RIMKLB: variants seen among roughly 807,000 people sequenced by gnomAD.
The protein encoded by RIMKLB is ribosomal modification protein rimK like family member B.
RIMKLB carries 7 observed loss-of-function variants against 32.0 expected under a neutral mutation model. The ratio of observed to expected loss-of-function variants is 0.22; its 90% CI spans 0.12 to 0.41. RIMKLB has a LOEUF of 0.41. Among genes scored for constraint, RIMKLB ranks in the 10% least tolerant of loss-of-function variants. The pLI is 1.00. For synonymous variants in RIMKLB, 172 were observed against 185.1 expected, an observed-to-expected ratio of 0.93 and a Z score of 0.57; for missense variants, 289 against 498.7, an observed-to-expected ratio of 0.58 and a Z score of 4.00.
the RIMKLB span, among the ~76,000 whole-genome samples, chr12:8,673,642 C>T: frequency 6.6e-6 from 1 of 151,528 alleles, no homozygotes; most frequent in Non-Finnish European, 1.5e-5. Context: ...GTCACTCAGG[C>T]TGGAGTGCAG....
downstream of RIMKLB, among the ~76,000 whole-genome samples, chr12:8,781,706 A>C (rs1238022813): frequency 6.6e-6 from 1 of 152,090 alleles, no homozygotes; most frequent in Non-Finnish European, 1.5e-5. Context: ...TGTTTTTCCT[A>C]AGAGAGTGTG....
At chr12:8,742,050 G>T (rs1257220452) in intron 2 of RIMKLB, among the ~76,000 whole-genome samples, 1 of 151,044 alleles carries the variant, frequency 6.6e-6, no homozygotes, top group African/African-American at 2.5e-5. Context: ...ACAGGCATGC[G>T]CCACCATGCC....
Position 8,775,457 on chromosome 12 carries a change from A to C in RIMKLB, c.*1673A>C. 2.0e-6 allele frequency: 2 copies of C among 985,738 alleles called. No individual in the cohort carries two copies. The highest frequency in any genetic ancestry group is 9.4e-5 in the South Asian group (2 of 21,282). The allele number at this position is 985,738 out of a possible 1,614,324, so 61.1% of individuals were successfully genotyped here. A position where few individuals can be genotyped will look rare whatever the true frequency, so the allele number is the denominator to read the frequency against. On this transcript the variant is annotated 3_prime_UTR_variant, in exon 6 of 6. Transcript: ENST00000535829. Reference sequence around the variant, plus strand: ...GCTGCAGAGCCCAACGTAATTTTTTAAACAGCAAGTTTTCCATCTCCCTAC... The same window carrying C: ...GCTGCAGAGCCCAACGTAATTTTTTCAACAGCAAGTTTTCCATCTCCCTAC...
At chr12:8,729,066 T>C (rs1946305231) in intron 2 of RIMKLB, among the ~76,000 whole-genome samples, 1 of 152,088 alleles carries the variant, frequency 6.6e-6, no homozygotes, top group African/African-American at 2.4e-5. Context: ...AACTTCATAC[T>C]GGCGCCGCCA....
chr12:8,738,083 A>G (rs1006112646), intron 2 of RIMKLB, among the ~76,000 whole-genome samples: 6 of 152,078 alleles, frequency 3.9e-5, no homozygotes, highest in African/African-American at 1.2e-4. Flanking sequence ...TACTGTCACT[A>G]TTCATTTTGC....
At chr12:8,704,457 T>G (rs1278332646) in intron 1 of RIMKLB, among the ~76,000 whole-genome samples, 1 of 152,204 alleles carries the variant, frequency 6.6e-6, no homozygotes, top group Non-Finnish European at 1.5e-5. Flanking sequence ...GCTTATTTGT[T>G]GAACATGTTT....
In RIMKLB at chr12:8,700,937, A is replaced by G. The variant is rs1179684287; in HGVS notation, c.-57+2640A>G. Among the ~76,000 whole-genome samples, 5 of 152,128 alleles carry G rather than the reference A, an allele frequency of 3.3e-5. No individual in the cohort carries two copies. In the East Asian group the frequency reaches 9.6e-4, roughly 29 times the overall value. On this transcript the variant is annotated intron_variant, in intron 1 of 5. Coordinates refer to ENST00000535829, the MANE Select transcript of RIMKLB (RefSeq NM_001297776.2). Reference sequence around the variant, plus strand: ...AAAAAGTAGCTGGGCATGGTGACGCACACCTGTAGTCACAGCTACTCAGGA... The same window carrying G: ...AAAAAGTAGCTGGGCATGGTGACGCGCACCTGTAGTCACAGCTACTCAGGA...
At chr12:8,672,109 T>C in the RIMKLB span, among the ~76,000 whole-genome samples, 5 of 152,328 alleles carry the variant, frequency 3.3e-5, no homozygotes, top group South Asian at 1.0e-3. Context: ...AAGAGTTACC[T>C]TTGCTCCAGT....
chr12:8,675,203 T>C, the RIMKLB span, among the ~76,000 whole-genome samples: 1 of 152,226 alleles, frequency 6.6e-6, no homozygotes, highest in African/African-American at 2.4e-5. Flanking sequence ...GAAGAACCTC[T>C]TTGTTGCTGA....
At chr12:8,718,659 A>ATGTGTGTGTGTGTGTGTGTGTGTGTG (rs1213938637) in intron 2 of RIMKLB, among the ~76,000 whole-genome samples, 5 of 119,310 alleles carry the variant, frequency 4.2e-5, no homozygotes, top group African/African-American at 1.6e-4. Flanking sequence ...CTCTCTATAT[A>ATGTGTGTGTGTGTGTGTGTGTGTGTG]TATATATATA....
Position 8,773,340 on chromosome 12 carries a change from C to G in RIMKLB, c.717C>G (p.Cys239Trp), listed in dbSNP as rs1238864324. 3.1e-6 allele frequency: 5 copies of G among 1,612,868 alleles called. No individual in the cohort carries two copies. The highest frequency in any genetic ancestry group is 3.3e-5 in the Admixed American group (2 of 60,024). The change falls in exon 6 of 6, where the codon TGC becomes TGG. Residue 239 changes from cysteine (C) to tryptophan (W), a missense_variant. Around this residue, in one of 3 missense-constraint regions of RIMKLB, gnomAD observed 156 missense variants for 329.5 expected, o/e 0.47. Coordinates refer to ENST00000535829, the MANE Select transcript of RIMKLB (RefSeq NM_001297776.2). The stretch of plus-strand genomic sequence containing the variant: ...TGCCAGGTGGTGTGGGGATGATGTG[C>G]TCATTGAGTGAACAAGGGAAGCAGC... ...NCSLGGVGMM[C>W]SLSEQGKQLA... is the part of the protein sequence containing the mutation.
intron 2 of RIMKLB, among the ~76,000 whole-genome samples, chr12:8,730,357 G>C (rs754538728): frequency 1.3e-5 from 2 of 152,170 alleles, no homozygotes; most frequent in African/African-American, 4.8e-5. Context: ...CAAAGTGCTG[G>C]GATTACAGGC....
chr12:8,680,848 T>A (rs1051914936), upstream of RIMKLB, among the ~76,000 whole-genome samples: 8 of 152,138 alleles, frequency 5.3e-5, no homozygotes, highest in African/African-American at 1.9e-4. Context: ...TTGACCTTCA[T>A]CTATTACGGA....
At chr12:8,778,703 T>C (rs1950874668), downstream of RIMKLB, among the ~76,000 whole-genome samples, 2 of 152,242 alleles carry the variant, frequency 1.3e-5, no homozygotes, top group South Asian at 4.1e-4. Context: ...AAAGTTTTAG[T>C]TCTGAGCTTT....
chr12:8,713,007 GTTCATGA>G (rs1224856602), intron 1 of RIMKLB, among the ~76,000 whole-genome samples: 2 of 152,016 alleles, frequency 1.3e-5, no homozygotes, highest in East Asian at 3.9e-4. Flanking sequence ...ATGTTGCATT[GTTCATGA>G]TACAAACTCA....
At chr12:8,746,913 T>A (rs1471330546) in intron 2 of RIMKLB, among the ~76,000 whole-genome samples, 1 of 152,112 alleles carries the variant, frequency 6.6e-6, no homozygotes, top group Non-Finnish European at 1.5e-5. Context: ...GCTAATTTTT[T>A]AAGTTTTTTT....
Position 8,775,424 on chromosome 12 carries a change from A to G in RIMKLB, c.*1640A>G. On this transcript the variant is annotated 3_prime_UTR_variant, in exon 6 of 6. Coordinates refer to ENST00000535829, the MANE Select transcript of RIMKLB (RefSeq NM_001297776.2). ...ATGGGTTTGGATGGTATGTTAAGAA[A>G]TGGAGATGCTGCAGAGCCCAACGTA... 2.0e-6 allele frequency: 2 copies of G among 985,560 alleles called. No homozygotes were observed. Among genetic ancestry groups the G allele is most frequent in the Non-Finnish European group, 2.4e-6 (2 of 829,900 alleles). The allele number at this position is 985,560 out of a possible 1,614,324, so 61.1% of individuals were successfully genotyped here.
At position 8,701,014 on chromosome 12, in the gene RIMKLB, C is replaced by T. The variant is rs746970180; in HGVS notation, c.-57+2717C>T. Among the ~76,000 whole-genome samples, 8 of 151,528 alleles carry T rather than the reference C, an allele frequency of 5.3e-5. No individual in the cohort carries two copies. In the East Asian group the frequency reaches 1.2e-3, roughly 22 times the overall value. Reference sequence around the variant, plus strand: ...CTGGGAGGTGGAGGTTGCGGTGAGCCGAAATTTTATCACTGCACTCCAGCT... The same window carrying T: ...CTGGGAGGTGGAGGTTGCGGTGAGCTGAAATTTTATCACTGCACTCCAGCT... On this transcript the variant is annotated intron_variant, in intron 1 of 5. Coordinates refer to ENST00000535829, the MANE Select transcript of RIMKLB (RefSeq NM_001297776.2).
intron 5 of RIMKLB, among the ~76,000 whole-genome samples, chr12:8,758,956 G>A (rs77065313): frequency 0.013 from 1,986 of 152,266 alleles, 41 homozygotes; most frequent in African/African-American, 0.046. Flanking sequence ...TTGTTTGCCA[G>A]AATTGAATTG....
Sources: allele counts gnomAD v4.1 joint callset (sites outside exome capture counted in the v4.1 genomes callset), GRCh38; gene constraint gnomAD v4.1.1; regional missense constraint gnomAD v4.1.1; transcripts MANE v1.5; gene names NCBI Gene and HGNC (gene_info 2026-07-23, HGNC 2026-07-21).